The following DPP10 variants were observed in gnomAD, a reference collection of about 807,000 sequenced individuals.
DPP10 encodes inactive dipeptidyl peptidase 10.
In DPP10, 33 loss-of-function variants were observed where a neutral mutation model predicts 120.9. The observed-to-expected ratio is 0.27, with a 90% CI of 0.21 to 0.37. The LOEUF (loss-of-function observed/expected upper bound fraction) is 0.37. DPP10 is among the 10% of genes least tolerant of loss of function. The probability of loss-of-function intolerance (pLI) is 1.00; values close to 1 mark genes in which losing one functional copy is unlikely to be tolerated. For synonymous variants in DPP10, 337 were observed against 326.1 expected, an observed-to-expected ratio of 1.03 and a Z score of -0.36; for missense variants, 816 against 942.8, an observed-to-expected ratio of 0.87 and a Z score of 1.76.
intron 1 of DPP10, among the ~76,000 whole-genome samples, chr2:114,716,306 G>A (rs1355497069): frequency 6.6e-6 from 1 of 152,170 alleles, no homozygotes; most frequent in East Asian, 1.9e-4. Flanking sequence ...CTTGGTGAAA[G>A]TTTAATGCCT....
chr2:114,566,413 G>A (rs1573671174), intron 1 of DPP10, among the ~76,000 whole-genome samples: 1 of 152,316 alleles, frequency 6.6e-6, no homozygotes, highest in East Asian at 1.9e-4. Flanking sequence ...GTTGCAAAGA[G>A]AGTGCAGAGA....
At chr2:115,031,831 G>C (rs1399802539) in intron 1 of DPP10, among the ~76,000 whole-genome samples, 1 of 151,990 alleles carries the variant, frequency 6.6e-6, no homozygotes, top group Non-Finnish European at 1.5e-5. Flanking sequence ...GCCATAATGT[G>C]TTCTGCTTTT....
intron 1 of DPP10, among the ~76,000 whole-genome samples, chr2:114,490,849 T>A (rs1278528320): frequency 6.6e-6 from 1 of 152,090 alleles, no homozygotes; most frequent in South Asian, 2.1e-4. Flanking sequence ...ATTAGTTGAA[T>A]TGAATTTTAT....
intron 1 of DPP10, among the ~76,000 whole-genome samples, chr2:115,087,008 T>G (rs1360331787): frequency 1.3e-5 from 2 of 152,042 alleles, no homozygotes. Context: ...CAGTGCAGAG[T>G]GTGTGATATT....
chr2:115,674,479 A>T (rs2090129840), intron 5 of DPP10, among the ~76,000 whole-genome samples: 1 of 151,614 alleles, frequency 6.6e-6, no homozygotes, highest in Non-Finnish European at 1.5e-5. Context: ...CATGCTTGTG[A>T]CATGTATCCT....
At chr2:115,101,867 G>T (rs1573618656) in intron 1 of DPP10, among the ~76,000 whole-genome samples, 1 of 152,158 alleles carries the variant, frequency 6.6e-6, no homozygotes, top group East Asian at 1.9e-4. Context: ...TTAATACGAG[G>T]TTATCAATAC....
chr2:115,286,524 ATAAT>A lies in DPP10; in HGVS notation c.61-22714_61-22711del, dbSNP rs1559366835. ...TATATTACATATATAATATATATAT[ATAAT>A]ATATATATATATAAAATATATACAG... On this transcript the variant is annotated intron_variant, in intron 1 of 25. Coordinates refer to ENST00000410059, the MANE Select transcript of DPP10 (RefSeq NM_020868.6). 1.2e-4 allele frequency among the ~76,000 whole-genome samples: 5 copies of A among 42,886 alleles called. 1 individual carries two copies. The highest frequency in any genetic ancestry group is 3.3e-4 in the African/African-American group (5 of 15,128). 28.1% of individuals were successfully genotyped at this position (42,886 alleles called of 152,430 possible).
At chr2:115,202,858 T>C (rs1467099511) in intron 1 of DPP10, among the ~76,000 whole-genome samples, 1 of 152,190 alleles carries the variant, frequency 6.6e-6, no homozygotes, top group Non-Finnish European at 1.5e-5. Context: ...TTTAGAAATA[T>C]TGTTTTCATC....
At chr2:114,618,416 A>T (rs1345020707) in intron 1 of DPP10, among the ~76,000 whole-genome samples, 2 of 152,014 alleles carry the variant, frequency 1.3e-5, no homozygotes, top group Non-Finnish European at 2.9e-5. Context: ...GTTTTTCCTG[A>T]AAGAGATGAA....
intron 5 of DPP10, among the ~76,000 whole-genome samples, chr2:115,563,095 A>G (rs2080789841): frequency 6.6e-6 from 1 of 152,218 alleles, no homozygotes; most frequent in South Asian, 2.1e-4. Context: ...CATCATGGGC[A>G]AAGTATGAAA....
chr2:114,941,572 A>T (rs1278540386), intron 1 of DPP10, among the ~76,000 whole-genome samples: 3 of 152,230 alleles, frequency 2.0e-5, no homozygotes, highest in African/African-American at 7.2e-5. Context: ...GGATTTAATG[A>T]TCTCCAGTTC....
chr2:115,260,841 C>T (rs533384825), intron 1 of DPP10, among the ~76,000 whole-genome samples: 2 of 152,148 alleles, frequency 1.3e-5, no homozygotes, highest in South Asian at 4.2e-4. Context: ...CAGAGTCTAT[C>T]CTTGGGTTCA....
chr2:114,907,717 T>TC (rs1421505094), intron 1 of DPP10, among the ~76,000 whole-genome samples: 1 of 152,146 alleles, frequency 6.6e-6, no homozygotes. Flanking sequence ...GCACATATGT[T>TC]CTATTCTGCA....
chr2:114,551,959 G>C (rs955115303), intron 1 of DPP10, among the ~76,000 whole-genome samples: 3 of 152,156 alleles, frequency 2.0e-5, no homozygotes, highest in African/African-American at 7.2e-5. Context: ...AGGCATGAAA[G>C]GTACCCACTC....
chr2:114,654,677 C>A (rs1260438212), intron 1 of DPP10, among the ~76,000 whole-genome samples: 1 of 151,840 alleles, frequency 6.6e-6, no homozygotes, highest in Non-Finnish European at 1.5e-5. Flanking sequence ...TTTGTAAGAT[C>A]TGGCAGCATT....
At chr2:115,656,219 T>C (rs2088321057) in intron 5 of DPP10, among the ~76,000 whole-genome samples, 1 of 151,420 alleles carries the variant, frequency 6.6e-6, no homozygotes, top group South Asian at 2.1e-4. Flanking sequence ...TGCATATTTT[T>C]AAACTAATCA....
At chr2:115,617,001 ACTC>A (rs1182623834) in intron 5 of DPP10, among the ~76,000 whole-genome samples, 1 of 150,440 alleles carries the variant, frequency 6.6e-6, no homozygotes, top group Non-Finnish European at 1.5e-5. Context: ...AGTCCTCTTT[ACTC>A]CTCCCTCTTT....
intron 1 of DPP10, among the ~76,000 whole-genome samples, chr2:114,643,919 G>GTATA (rs1164494200): frequency 2.3e-5 from 3 of 131,136 alleles, no homozygotes; most frequent in Admixed American, 7.7e-5. Context: ...ATATGTGTGT[G>GTATA]TATATATATA....
intron 1 of DPP10, among the ~76,000 whole-genome samples, chr2:114,484,700 G>A (rs1219064098): frequency 6.6e-6 from 1 of 152,040 alleles, no homozygotes; most frequent in African/African-American, 2.4e-5. Context: ...TCTTCAACAG[G>A]AATCTCGAAC....
Sources: gnomAD v4.1 joint callset for allele counts (sites outside exome capture counted in the v4.1 genomes callset) on GRCh38, gnomAD v4.1.1 for gene constraint, MANE v1.5 for transcripts, NCBI Gene and HGNC (gene_info 2026-07-23, HGNC 2026-07-21) for gene names.